TTC23L: variants seen among roughly 807,000 people sequenced by gnomAD.
The protein encoded by TTC23L is tetratricopeptide repeat domain 23 like, also known as tetratricopeptide repeat protein 23-like.
In TTC23L, 42 loss-of-function variants were observed where a neutral mutation model predicts 48.1. The ratio of observed to expected loss-of-function variants is 0.87; its 90% CI spans 0.68 to 1.13. TTC23L has a LOEUF of 1.13. TTC23L is among the 50% of genes most tolerant of loss of function. The pLI is 0.00. For synonymous variants in TTC23L, 159 were observed against 157.2 expected (o/e 1.01, Z -0.09); for missense variants, 391 against 421.0 (o/e 0.93, Z 0.62).
chr5:34,879,140 A>G (rs1762051170), intron 8 of TTC23L, among the ~76,000 whole-genome samples: 1 of 152,224 alleles, frequency 6.6e-6, no homozygotes, highest in South Asian at 2.1e-4. Context: ...GTGCTAACAA[A>G]TGTGTGCACA....
Position 34,882,805 on chromosome 5 carries a change from C to T in TTC23L, c.1077+2497C>T, listed in dbSNP as rs147562167. 3.4e-3 allele frequency among the ~76,000 whole-genome samples: 516 copies of T among 152,190 alleles called. 2 individuals are homozygous for T. The highest frequency in any genetic ancestry group is 0.012 in the African/African-American group (495 of 41,516). Reference sequence around the variant, plus strand: ...CTGTAATCCCAGCACTTTGCGAGGCCGAGGCAGGAGGATTGCTTGAGCCTA... The same window carrying T: ...CTGTAATCCCAGCACTTTGCGAGGCTGAGGCAGGAGGATTGCTTGAGCCTA... On this transcript the variant is annotated intron_variant, in intron 9 of 10. Transcript: ENST00000505624.
the TTC23L span, chr5:34,919,977 T>C: frequency 1.8e-6 from 1 of 564,784 alleles, no homozygotes; most frequent in Non-Finnish European, 3.2e-6. Flanking sequence ...AAAAATTATT[T>C]TGTAAAAACT....
At chr5:34,885,974 G>GA (rs530931808) in intron 9 of TTC23L, among the ~76,000 whole-genome samples, 284 of 152,082 alleles carry the variant, frequency 1.9e-3, no homozygotes, top group African/African-American at 6.4e-3. Flanking sequence ...CTGAAGGTTT[G>GA]AAAAAAATTA....
intron 5 of TTC23L, 41 bp from the exon 6 acceptor site, chr5:34,864,396 A>G: frequency 1.2e-6 from 2 of 1,609,548 alleles, no homozygotes; most frequent in Middle Eastern, 1.7e-4. Context: ...TGTGCAGTGG[A>G]TGTTAGTTTG....
intron 9 of TTC23L, among the ~76,000 whole-genome samples, chr5:34,884,729 G>T (rs1297900855): frequency 6.6e-6 from 1 of 151,832 alleles, no homozygotes; most frequent in Non-Finnish European, 1.5e-5. Flanking sequence ...AACCAAGGAG[G>T]TGAAAGACTT....
chr5:34,909,760 T>C, the TTC23L span, among the ~76,000 whole-genome samples: 2 of 152,212 alleles, frequency 1.3e-5, no homozygotes, highest in African/African-American at 4.8e-5. Flanking sequence ...CTTTTCTGTA[T>C]CTTAGACTGC....
At chr5:34,904,003 C>T (rs1157769579), downstream of TTC23L, among the ~76,000 whole-genome samples, 1 of 151,896 alleles carries the variant, frequency 6.6e-6, no homozygotes, top group East Asian at 1.9e-4. Flanking sequence ...GTCCCACTCT[C>T]CTGCCAGACT....
intron 3 of TTC23L, among the ~76,000 whole-genome samples, chr5:34,847,476 C>T (rs952178234): frequency 1.1e-5 from 1 of 89,344 alleles, no homozygotes; most frequent in African/African-American, 5.5e-5. Flanking sequence ...AGCTCAATAA[C>T]GCTGTTTTTT....
At chr5:34,913,630 A>C in the TTC23L span, 5 of 1,086,616 alleles carry the variant, frequency 4.6e-6, no homozygotes, top group Non-Finnish European at 6.8e-6. Context: ...AAAAACTAAT[A>C]ATATAAGGTC....
At chr5:34,917,533 G>T in the TTC23L span, among the ~76,000 whole-genome samples, 118 of 152,000 alleles carry the variant, frequency 7.8e-4, no homozygotes, top group Non-Finnish European at 5.0e-4. Context: ...CCAGCTACTC[G>T]GGAGTCTGAG....
chr5:34,909,217 C>T, the TTC23L span: 4 of 1,406,176 alleles, frequency 2.8e-6, no homozygotes, highest in East Asian at 2.3e-5. Context: ...TATTTAACCT[C>T]CTCTTTATCA....
intron 2 of TTC23L, among the ~76,000 whole-genome samples, chr5:34,844,194 C>T (rs1758919700): frequency 6.6e-6 from 1 of 152,278 alleles, no homozygotes; most frequent in Non-Finnish European, 1.5e-5. Context: ...CTGGCTGTCC[C>T]ATCAAATTAG....
intron 9 of TTC23L, among the ~76,000 whole-genome samples, chr5:34,890,583 G>A (rs1762806972): frequency 3.3e-5 from 5 of 151,904 alleles, no homozygotes; most frequent in Admixed American, 3.3e-4. Flanking sequence ...ATGAATTTGA[G>A]TATACGTATG....
At chr5:34,865,305 T>A (rs1760968988) in intron 6 of TTC23L, among the ~76,000 whole-genome samples, 1 of 152,208 alleles carries the variant, frequency 6.6e-6, no homozygotes, top group African/African-American at 2.4e-5. Context: ...GAATAGTAAG[T>A]AAATGAAATA....
At chr5:34,879,945 G>A (rs150468914) in intron 8 of TTC23L, among the ~76,000 whole-genome samples, 180 of 152,176 alleles carry the variant, frequency 1.2e-3, no homozygotes, top group African/African-American at 4.2e-3. Flanking sequence ...GCAGTGAGCC[G>A]AGGTTGCACC....
intron 9 of TTC23L, among the ~76,000 whole-genome samples, chr5:34,895,851 T>C (rs1763188489): frequency 6.6e-6 from 1 of 152,196 alleles, no homozygotes; most frequent in African/African-American, 2.4e-5. Context: ...AGTGATGAAA[T>C]GTATGTTCCA....
At chr5:34,897,030 A>G (rs910947298) in intron 10 of TTC23L, among the ~76,000 whole-genome samples, 155 bp downstream of exon 10, 1 of 152,128 alleles carries the variant, frequency 6.6e-6, no homozygotes, top group African/African-American at 2.4e-5. Context: ...AAAACAAAAA[A>G]AACAGGTTTA....
chr5:34,866,895 C>T, exon 7 of TTC23L: 1 of 1,592,658 alleles, frequency 6.3e-7, no homozygotes, highest in Non-Finnish European at 8.6e-7. Flanking sequence ...CTTGCAGAGC[C>T]TCCTTGGCCA....
At chr5:34,914,440 A>G in the TTC23L span, 1 of 478,400 alleles carries the variant, frequency 2.1e-6, no homozygotes, top group South Asian at 2.5e-5. Flanking sequence ...TAGTTTAATA[A>G]ACTTTAGTCA....
Sources: gnomAD v4.1 joint callset for allele counts (sites outside exome capture counted in the v4.1 genomes callset) on GRCh38, gnomAD v4.1.1 for gene constraint, MANE v1.5 for transcripts, NCBI Gene and HGNC (gene_info 2026-07-23, HGNC 2026-07-21) for gene names.